Variants in HMGXB4 observed in about 807,000 individuals in gnomAD.
HMGXB4 encodes the protein HMG-box containing 4.
In HMGXB4, 27 loss-of-function variants were observed where a neutral mutation model predicts 63.9. The observed-to-expected ratio is 0.42, with a 90% CI of 0.31 to 0.58. HMGXB4 has a LOEUF of 0.58. Among genes scored for constraint, HMGXB4 ranks in the 20% least tolerant of loss-of-function variants. The probability of loss-of-function intolerance (pLI) is 0.13; values close to 1 mark genes in which losing one functional copy is unlikely to be tolerated. For missense variants in HMGXB4, 624 were observed against 700.7 expected, an observed-to-expected ratio of 0.89 and a Z score of 1.24; for synonymous variants, 264 against 265.3, an observed-to-expected ratio of 0.99 and a Z score of 0.05.
the HMGXB4 span, among the ~76,000 whole-genome samples, chr22:35,246,580 C>T: frequency 2.6e-5 from 4 of 152,184 alleles, no homozygotes; most frequent in African/African-American, 7.2e-5. Flanking sequence ...GCCGTATTTT[C>T]TCAAAGTTCT....
At chr22:35,246,552 C>A in the HMGXB4 span, among the ~76,000 whole-genome samples, 262 of 152,312 alleles carry the variant, frequency 1.7e-3, 1 homozygote, top group African/African-American at 5.9e-3. Context: ...GGATTACAGG[C>A]GTGAGCCACC....
In HMGXB4 at chr22:35,290,993, G is replaced by T. The variant is rs538080716; in HGVS notation, c.1639-1999G>T. Among the ~76,000 whole-genome samples, 24 of 152,308 alleles carry T rather than the reference G, an allele frequency of 1.6e-4. 1 individual carries two copies. In the South Asian group the frequency reaches 4.8e-3, roughly 30 times the overall value. Reference sequence around the variant, plus strand: ...AAATTAAGGCTAGAGGCCGAGCACTGTTGCTTGTTCCTGTAATCCCAGGAC... The same window carrying T: ...AAATTAAGGCTAGAGGCCGAGCACTTTTGCTTGTTCCTGTAATCCCAGGAC... On this transcript the variant is annotated intron_variant, in intron 9 of 10. Coordinates refer to ENST00000216106, the MANE Select transcript of HMGXB4 (RefSeq NM_001003681.3).
At chr22:35,279,053 A>G (rs1207214962) in intron 5 of HMGXB4, among the ~76,000 whole-genome samples, 1 of 151,876 alleles carries the variant, frequency 6.6e-6, no homozygotes, top group African/African-American at 2.4e-5. Flanking sequence ...TCTTAAAAGA[A>G]AAGAGAGAGA....
upstream of HMGXB4, among the ~76,000 whole-genome samples, chr22:35,255,379 G>T (rs1922349704): frequency 6.6e-6 from 1 of 152,150 alleles, no homozygotes; most frequent in African/African-American, 2.4e-5. Flanking sequence ...CCTGGGCATG[G>T]TGGCATGCAC....
chr22:35,272,294 TGAG>T (rs1217153594), intron 5 of HMGXB4, among the ~76,000 whole-genome samples: 18 of 152,046 alleles, frequency 1.2e-4, no homozygotes, highest in Admixed American at 1.2e-3. Context: ...GATCAGGGGT[TGAG>T]GAAAGAGTGA....
intron 5 of HMGXB4, among the ~76,000 whole-genome samples, chr22:35,275,867 A>G (rs150287036): frequency 1.3e-5 from 2 of 152,368 alleles, no homozygotes; most frequent in Admixed American, 1.3e-4. Context: ...TGTTGCAAGT[A>G]ATTTGCTACT....
chr22:35,274,576 G>A (rs965636482), intron 5 of HMGXB4, among the ~76,000 whole-genome samples: 1 of 152,172 alleles, frequency 6.6e-6, no homozygotes, highest in African/African-American at 2.4e-5. Context: ...TGTCATCTCA[G>A]TTTCACAGAA....
intron 5 of HMGXB4, among the ~76,000 whole-genome samples, chr22:35,279,500 A>G (rs1338174583): frequency 1.3e-5 from 2 of 151,996 alleles, no homozygotes; most frequent in Non-Finnish European, 2.9e-5. Context: ...ACCCCAGTTT[A>G]TCAGTTCCTT....
At chr22:35,287,675 G>A (rs1327733468) in intron 8 of HMGXB4, among the ~76,000 whole-genome samples, 6 of 151,574 alleles carry the variant, frequency 4.0e-5, no homozygotes, top group African/African-American at 1.2e-4. Flanking sequence ...TAGACCAGGC[G>A]CAGTGGCTCA....
upstream of HMGXB4, among the ~76,000 whole-genome samples, chr22:35,253,364 T>G (rs1397451718): frequency 1.3e-5 from 2 of 152,140 alleles, no homozygotes; most frequent in African/African-American, 4.8e-5. Flanking sequence ...TTGTTTTACA[T>G]TGCCCACAAA....
At chr22:35,279,331 A>G (rs149992547) in intron 5 of HMGXB4, among the ~76,000 whole-genome samples, 2,634 of 151,884 alleles carry the variant, frequency 0.017, 34 homozygotes, top group Non-Finnish European at 0.026. Context: ...TATTTTTAGT[A>G]GAGACAGGGT....
chr22:35,265,728 T>A, intron 5 of HMGXB4, 125 bp downstream of exon 5: 1 of 1,287,488 alleles, frequency 7.8e-7, no homozygotes, highest in Non-Finnish European at 1.0e-6. Flanking sequence ...GGGGGATATG[T>A]TGGAATGATA....
At chr22:35,245,612 T>A in the HMGXB4 span, among the ~76,000 whole-genome samples, 1 of 152,170 alleles carries the variant, frequency 6.6e-6, no homozygotes, top group Non-Finnish European at 1.5e-5. Flanking sequence ...GCCTTTTGAT[T>A]GAAATCTGCA....
intron 9 of HMGXB4, among the ~76,000 whole-genome samples, chr22:35,291,699 G>C (rs1924943690): frequency 6.6e-6 from 1 of 152,138 alleles, no homozygotes; most frequent in Admixed American, 6.5e-5. Context: ...TGCTTAATAT[G>C]AATTATATCA....
intron 4 of HMGXB4, 33 bp from the exon 5 acceptor site, chr22:35,264,605 TGCTTCCCATC>T (rs1923069875): frequency 7.2e-7 from 1 of 1,382,006 alleles, no homozygotes; most frequent in East Asian, 2.3e-5. Context: ...TGTTAGAAGT[TGCTTCCCATC>T]ATATTGACAG....
intron 4 of HMGXB4, chr22:35,264,167 A>G (rs1429814155): frequency 1.1e-6 from 1 of 950,216 alleles, no homozygotes; most frequent in Admixed American, 2.1e-5. Context: ...CCCTTTTGCC[A>G]TACGTAGTCC....
intron 3 of HMGXB4, 112 bp downstream of exon 3, chr22:35,263,338 C>G: frequency 1.2e-6 from 1 of 807,560 alleles, no homozygotes; most frequent in South Asian, 1.9e-5. Flanking sequence ...GGCTTGAATG[C>G]AATGGCACAA....
chr22:35,271,486 G>A (rs1038151515), intron 5 of HMGXB4, among the ~76,000 whole-genome samples: 3 of 152,150 alleles, frequency 2.0e-5, no homozygotes, highest in South Asian at 2.1e-4. Flanking sequence ...TAGCTAAGTC[G>A]TTGAGAGCGT....
chr22:35,284,028 G>A lies in HMGXB4; in HGVS notation c.1282G>A (p.Asp428Asn). The A allele has an allele frequency of 6.2e-7, 1 of 1,612,956 alleles. No individual in the cohort carries two copies. The highest frequency in any genetic ancestry group is 8.5e-7 in the Non-Finnish European group (1 of 1,178,874). ...CKEYRVTIVA[D>N]HPGIDFGELS... ...AGAGTATCGCGTGACCATTGTGGCT[G>A]ACCATCCAGGTATAGGTAAGAACAT... The change falls in exon 6 of 11, where the codon GAC becomes AAC. Residue 428 changes from aspartate (D) to asparagine (N), a missense_variant. Physicochemically the swap from Asp to Asn is conservative, Grantham distance 23. This residue lies in a region of HMGXB4 where 152 missense variants were observed against 230.1 expected (regional missense o/e 0.66). Coordinates refer to ENST00000216106, the MANE Select transcript of HMGXB4 (RefSeq NM_001003681.3).
Sources: allele counts gnomAD v4.1 joint callset (sites outside exome capture counted in the v4.1 genomes callset), GRCh38; gene constraint gnomAD v4.1.1; regional missense constraint gnomAD v4.1.1; transcripts MANE v1.5; gene names NCBI Gene and HGNC (gene_info 2026-07-23, HGNC 2026-07-21).